ABCB5: variants seen among roughly 807,000 people sequenced by gnomAD.
ABCB5 encodes the protein ATP-binding cassette sub-family B member 5.
ABCB5 carries 155 observed loss-of-function variants against 144.2 expected under a neutral mutation model. The ratio of observed to expected loss-of-function variants is 1.08; its 90% CI spans 0.94 to 1.23. The LOEUF (loss-of-function observed/expected upper bound fraction) is 1.23. Ranked by LOEUF, ABCB5 falls within the 50% of genes most tolerant of loss-of-function variation. The probability of loss-of-function intolerance (pLI) is 0.00; values close to 1 mark genes in which losing one functional copy is unlikely to be tolerated. For missense variants in ABCB5, 1,830 were observed against 1,520.8 expected (o/e 1.20, Z -3.38); for synonymous variants, 610 against 528.6 (o/e 1.15, Z -2.11).
chr7:20,665,725 A>AGATAGAT (rs1785156659), intron 14 of ABCB5, among the ~76,000 whole-genome samples: 1 of 52,166 alleles, frequency 1.9e-5, no homozygotes, highest in African/African-American at 1.9e-4. Context: ...AGAGATGGAA[A>AGATAGAT]GATAGATAGA....
Position 20,647,998 on chromosome 7 carries a change from G to A in ABCB5, c.1126G>A (p.Gly376Arg). The A allele has an allele frequency of 1.2e-6, 2 of 1,610,656 alleles. No individual in the cohort carries two copies. Among genetic ancestry groups the A allele is most frequent in the Non-Finnish European group, 1.7e-6 (2 of 1,177,450 alleles). The change falls in exon 11 of 28, where the codon GGA becomes AGA. Residue 376 changes from glycine (G) to arginine (R), a missense_variant. Gly to Arg is a moderately radical substitution (Grantham distance 125). Transcript: ENST00000404938. ...KPSIDNFSTA[G>R]YKPESIEGTV... The stretch of plus-strand genomic sequence containing the variant: ...CAGTATAGATAACTTTTCCACAGCT[G>A]GATATAAACCTGAATCCATAGAAGG...
intron 23 of ABCB5, among the ~76,000 whole-genome samples, chr7:20,730,857 T>A (rs1203407741): frequency 6.6e-6 from 1 of 152,174 alleles, no homozygotes; most frequent in Non-Finnish European, 1.5e-5. Context: ...TGCTCTAAAC[T>A]TTCCACAGAC....
intron 26 of ABCB5, among the ~76,000 whole-genome samples, chr7:20,750,501 G>A (rs1428361478): frequency 1.3e-5 from 2 of 151,836 alleles, no homozygotes; most frequent in African/African-American, 2.4e-5. Context: ...ATATAATATA[G>A]TCCTTTATTT....
In ABCB5 at chr7:20,711,871, TC is replaced by T. The variant is rs1562573935; in HGVS notation, c.2421+7067del. 2.0e-4 allele frequency among the ~76,000 whole-genome samples: 20 copies of T among 100,918 alleles called. 3 individuals carry two copies. The East Asian group carries it at 5.3e-3, about 27-fold the overall frequency. 66.2% of individuals were successfully genotyped at this position (100,918 alleles called of 152,430 possible). ...TTTCTTTCTTTCTTTCCTTCCTCCC[TC>T]CCTCCCTCCCTCCCTCCCTCCTTCC... is the stretch of plus-strand genomic sequence containing the variant. On this transcript the variant is annotated intron_variant, in intron 20 of 27. Coordinates refer to ENST00000404938, the MANE Select transcript of ABCB5 (RefSeq NM_001163941.2).
At position 20,650,008 on chromosome 7, in the gene ABCB5, A is replaced by G; in HGVS notation, c.1207-14A>G. 1 of 1,606,020 alleles carries G rather than the reference A, an allele frequency of 6.2e-7. No homozygotes were observed. Among genetic ancestry groups the G allele is most frequent in the Non-Finnish European group, 8.5e-7 (1 of 1,175,794 alleles). ...ATTGTGGTTTTATGATTTTCCCTCCATACATTCCAATAGATTCTGAAAGGT... is the reference window on the plus strand; with the variant it reads ...ATTGTGGTTTTATGATTTTCCCTCCGTACATTCCAATAGATTCTGAAAGGT... On this transcript the variant is annotated splice_polypyrimidine_tract_variant and intron_variant, in intron 11 of 27. Transcript: ENST00000404938.
chr7:20,743,283 C>T (rs569844394), intron 25 of ABCB5, among the ~76,000 whole-genome samples: 34 of 152,168 alleles, frequency 2.2e-4, no homozygotes, highest in Non-Finnish European at 3.7e-4. Context: ...GCACAAAGGT[C>T]CAAAGATTCT....
At chr7:20,685,131 G>A (rs1325047363) in intron 15 of ABCB5, among the ~76,000 whole-genome samples, 2 of 152,190 alleles carry the variant, frequency 1.3e-5, no homozygotes, top group Non-Finnish European at 2.9e-5. Context: ...GATTACAGGG[G>A]TGACGACTGC....
intron 1 of ABCB5, among the ~76,000 whole-genome samples, chr7:20,617,279 A>G (rs1245647795): frequency 1.3e-5 from 2 of 152,198 alleles, no homozygotes; most frequent in Non-Finnish European, 2.9e-5. Context: ...CTTGTTTAAA[A>G]TGTAGATTTT....
intron 7 of ABCB5, among the ~76,000 whole-genome samples, chr7:20,644,169 T>C: frequency 6.6e-6 from 1 of 151,980 alleles, no homozygotes; most frequent in Non-Finnish European, 1.5e-5. Flanking sequence ...CACTGCAGCC[T>C]CAACTTCCCA....
intron 14 of ABCB5, among the ~76,000 whole-genome samples, chr7:20,673,350 G>A (rs1309322630): frequency 6.6e-6 from 1 of 152,002 alleles, no homozygotes; most frequent in Non-Finnish European, 1.5e-5. Flanking sequence ...CAGTTACTGA[G>A]AGAAGGGTAT....
chr7:20,716,406 C>T (rs1410936823), intron 20 of ABCB5, among the ~76,000 whole-genome samples: 2 of 152,026 alleles, frequency 1.3e-5, no homozygotes, highest in African/African-American at 4.8e-5. Context: ...AAAATAGCTC[C>T]AATGATTGCA....
chr7:20,724,199 C>CTTATTTATTTAT (rs10642660), intron 21 of ABCB5, among the ~76,000 whole-genome samples: 1 of 149,332 alleles, frequency 6.7e-6, no homozygotes, highest in African/African-American at 2.5e-5. Context: ...TTTTTCTTGT[C>CTTATTTATTTAT]TTATTTATTT....
intron 3 of ABCB5, among the ~76,000 whole-genome samples, chr7:20,627,305 C>T (rs1218735699): frequency 6.6e-6 from 1 of 152,056 alleles, no homozygotes; most frequent in Non-Finnish European, 1.5e-5. Context: ...TAACATTATT[C>T]TGGAGGAAGG....
At chr7:20,624,815 G>T (rs936302137) in intron 2 of ABCB5, among the ~76,000 whole-genome samples, 1 of 152,234 alleles carries the variant, frequency 6.6e-6, no homozygotes, top group African/African-American at 2.4e-5. Flanking sequence ...AGCTAGTGCG[G>T]CTGTGACCCG....
chr7:20,699,699 T>G (rs1583434259), intron 17 of ABCB5, 126 bp from the exon 18 acceptor site: 3 of 617,766 alleles, frequency 4.9e-6, no homozygotes, highest in Non-Finnish European at 8.0e-6. Flanking sequence ...AGAGCAAGAT[T>G]CTGTCTCATA....
chr7:20,698,338 T>G lies in ABCB5; in HGVS notation c.2011-69T>G. ...TTATACATTATAATTCTGTTTATGATGGGCTAACTTCACTAGATTCTGTTA... is the reference window on the plus strand; with the variant it reads ...TTATACATTATAATTCTGTTTATGAGGGGCTAACTTCACTAGATTCTGTTA... On this transcript the variant is annotated intron_variant, in intron 16 of 27. Coordinates refer to ENST00000404938, the MANE Select transcript of ABCB5 (RefSeq NM_001163941.2). 5.2e-6 allele frequency: 7 copies of G among 1,338,938 alleles called. No individual in the cohort carries two copies. The South Asian group carries it at 1.1e-4, about 22-fold the overall frequency. The allele number at this position is 1,338,938 out of a possible 1,614,324, so 82.9% of individuals were successfully genotyped here.
chr7:20,629,248 G>C (rs1016826123), intron 4 of ABCB5, among the ~76,000 whole-genome samples: 29 of 151,788 alleles, frequency 1.9e-4, no homozygotes, highest in African/African-American at 6.3e-4. Context: ...GAGTTCAAGA[G>C]GGTGGGCTGG....
At chr7:20,748,681 G>T (rs552439228) in intron 26 of ABCB5, among the ~76,000 whole-genome samples, 6 of 141,450 alleles carry the variant, frequency 4.2e-5, no homozygotes, top group African/African-American at 1.6e-4. Context: ...AAAAAAAAGG[G>T]AATTAATTTT....
intron 10 of ABCB5, 47 bp from the exon 11 acceptor site, chr7:20,647,921 C>A (rs1449791604): frequency 8.0e-7 from 1 of 1,250,498 alleles, no homozygotes; most frequent in Admixed American, 1.9e-5. Flanking sequence ...TAGAGACTGT[C>A]AGTTTACTCC....
Sources: gnomAD v4.1 joint callset for allele counts (sites outside exome capture counted in the v4.1 genomes callset) on GRCh38, gnomAD v4.1.1 for gene constraint, MANE v1.5 for transcripts, NCBI Gene and HGNC (gene_info 2026-07-23, HGNC 2026-07-21) for gene names.